AXDND1: variants seen among roughly 807,000 people sequenced by gnomAD.
AXDND1 encodes the protein axonemal dynein light chain domain-containing protein 1.
In AXDND1, 110 loss-of-function variants were observed where a neutral mutation model predicts 137.5. The ratio of observed to expected loss-of-function variants is 0.80; its 90% CI spans 0.69 to 0.94. The LOEUF (loss-of-function observed/expected upper bound fraction) is 0.94. AXDND1 is among the 40% of genes least tolerant of loss of function. The pLI, the probability that AXDND1 is intolerant of heterozygous loss-of-function variation, is 0.00. For missense variants in AXDND1, 1,191 were observed against 1,169.8 expected (o/e 1.02, Z -0.26); for synonymous variants, 414 against 399.7 (o/e 1.04, Z -0.43).
chr1:179,447,545 A>T lies in AXDND1; in HGVS notation c.1798+2341A>T. 4 of 716,434 alleles carry T rather than the reference A, an allele frequency of 5.6e-6. No homozygotes were observed. In the South Asian group the frequency reaches 9.8e-5, roughly 18 times the overall value. 44.4% of individuals were successfully genotyped at this position (716,434 alleles called of 1,614,324 possible). On this transcript the variant is annotated intron_variant, in intron 16 of 25. Coordinates refer to ENST00000367618, the MANE Select transcript of AXDND1 (RefSeq NM_144696.6). The stretch of plus-strand genomic sequence containing the variant: ...AAAATTCCAAAGGAAGCTACAGGCT[A>T]TGTATAAAATACATGTTTTAAAGAA...
At chr1:179,527,307 G>A (rs1228051761) in intron 22 of AXDND1, among the ~76,000 whole-genome samples, 2 of 152,170 alleles carry the variant, frequency 1.3e-5, no homozygotes, top group African/African-American at 4.8e-5. Context: ...TGTGGTTTTG[G>A]TGGGTTTTGA....
At chr1:179,533,540 T>G (rs551794913) in intron 23 of AXDND1, among the ~76,000 whole-genome samples, 12 of 152,268 alleles carry the variant, frequency 7.9e-5, no homozygotes, top group South Asian at 2.1e-4. Context: ...TTCCCCTGCT[T>G]CTTCTTTACA....
At chr1:179,463,918 T>G (rs574510807) in intron 16 of AXDND1, among the ~76,000 whole-genome samples, 1 of 152,318 alleles carries the variant, frequency 6.6e-6, no homozygotes, top group East Asian at 1.9e-4. Flanking sequence ...TAAAGTCTGT[T>G]TTATCAGAGA....
chr1:179,374,233 A>C (rs927326811), intron 4 of AXDND1, among the ~76,000 whole-genome samples: 9 of 152,356 alleles, frequency 5.9e-5, no homozygotes, highest in African/African-American at 1.9e-4. Context: ...AATGCTCATC[A>C]TCGTTGGCCA....
At chr1:179,469,563 A>G (rs1357146774) in intron 17 of AXDND1, among the ~76,000 whole-genome samples, 1 of 152,100 alleles carries the variant, frequency 6.6e-6, no homozygotes, top group East Asian at 1.9e-4. Context: ...TCATATGGCA[A>G]TTCTATTTTT....
chr1:179,547,022 CAT>C (rs936951986), intron 25 of AXDND1, among the ~76,000 whole-genome samples: 3 of 152,198 alleles, frequency 2.0e-5, no homozygotes, highest in African/African-American at 7.2e-5. Flanking sequence ...ACTTGGGAAA[CAT>C]ATCTTGCATT....
chr1:179,541,829 C>T (rs1030618012), intron 25 of AXDND1, among the ~76,000 whole-genome samples: 3 of 151,930 alleles, frequency 2.0e-5, no homozygotes, highest in Non-Finnish European at 4.4e-5. Flanking sequence ...ATAGAAACAA[C>T]CTACGTGTTC....
intron 12 of AXDND1, among the ~76,000 whole-genome samples, chr1:179,421,671 C>A (rs1029493048): frequency 2.6e-5 from 4 of 151,708 alleles, no homozygotes; most frequent in African/African-American, 9.7e-5. Flanking sequence ...TGTGAGCCAC[C>A]ATGCCTGGAC....
chr1:179,415,969 T>TC (rs1654638154), intron 12 of AXDND1, among the ~76,000 whole-genome samples: 2 of 152,222 alleles, frequency 1.3e-5, no homozygotes, highest in African/African-American at 4.8e-5. Flanking sequence ...TTCTAGCTAT[T>TC]TTAGAATGTG....
intron 25 of AXDND1, chr1:179,544,980 T>C (rs11585517): frequency 0.3 from 45,968 of 152,146 alleles, 7,677 homozygotes; most frequent in Middle Eastern, 0.42. Context: ...GTTTCCTTCA[T>C]AGGGGCCTGT....
Position 179,445,694 on chromosome 1 carries a change from A to G in AXDND1, c.1798+490A>G, listed in dbSNP as rs189425717. ...TTTAGCAATTATCAGTACTTCACCCATTTTTATGGCCTAATAATAGTGTAT... is the reference window on the plus strand; with the variant it reads ...TTTAGCAATTATCAGTACTTCACCCGTTTTTATGGCCTAATAATAGTGTAT... On this transcript the variant is annotated intron_variant, in intron 16 of 25. Coordinates refer to ENST00000367618, the MANE Select transcript of AXDND1 (RefSeq NM_144696.6). 5.3e-3 allele frequency among the ~76,000 whole-genome samples: 802 copies of G among 152,206 alleles called. 9 individuals carry two copies. Among genetic ancestry groups the G allele is most frequent in the African/African-American group, 0.019 (778 of 41,542 alleles).
rs1312775432 is a variant in AXDND1 at position 179,385,239 on chromosome 1, T to C, written c.743T>C (p.Met248Thr). The C allele has an allele frequency of 2.5e-6, 4 of 1,608,840 alleles. No individual in the cohort carries two copies. Among genetic ancestry groups the C allele is most frequent in the Non-Finnish European group, 3.4e-6 (4 of 1,175,358 alleles). The change falls in exon 9 of 26, where the codon ATG (methionine) becomes ACG (threonine). Residue 248 changes from methionine to threonine, a missense_variant and splice_region_variant. Coordinates refer to ENST00000367618, the MANE Select transcript of AXDND1 (RefSeq NM_144696.6). ...ATTATGTTACTTACCTTCTGACAGA[T>C]GCACAAACTACTACATATATTGAAG... ...ENQEYTGPTK[M>T]HKLLHILKKE... is the part of the protein sequence containing the mutation.
intron 25 of AXDND1, among the ~76,000 whole-genome samples, chr1:179,546,749 C>T (rs985693673): frequency 6.6e-6 from 1 of 152,086 alleles, no homozygotes; most frequent in Non-Finnish European, 1.5e-5. Context: ...GAGTGCATAC[C>T]ATAGTGTACT....
intron 25 of AXDND1, among the ~76,000 whole-genome samples, chr1:179,538,072 A>G (rs977719113): frequency 6.6e-6 from 1 of 151,074 alleles, no homozygotes; most frequent in Non-Finnish European, 1.5e-5. Context: ...ATCTATTTGA[A>G]TCTTCTCTCT....
intron 4 of AXDND1, among the ~76,000 whole-genome samples, chr1:179,374,645 G>A (rs1474957035): frequency 3.3e-5 from 5 of 152,176 alleles, no homozygotes; most frequent in East Asian, 3.9e-4. Context: ...CTTTGTAGCC[G>A]TAAAAAAGGA....
chr1:179,541,919 T>G (rs1672206485), intron 25 of AXDND1, among the ~76,000 whole-genome samples: 1 of 151,922 alleles, frequency 6.6e-6, no homozygotes, highest in South Asian at 2.1e-4. Context: ...TTTAAAGGAG[T>G]TTTTAGTGAC....
At chr1:179,469,951 A>G (rs545777566) in intron 17 of AXDND1, among the ~76,000 whole-genome samples, 1 of 152,180 alleles carries the variant, frequency 6.6e-6, no homozygotes, top group African/African-American at 2.4e-5. Flanking sequence ...GTTTTGTAGC[A>G]TTTGCTCTCT....
chr1:179,535,104 T>A, intron 25 of AXDND1, 142 bp downstream of exon 25: 1 of 1,260,930 alleles, frequency 7.9e-7, no homozygotes, highest in Non-Finnish European at 1.1e-6. Flanking sequence ...GTGCATATTT[T>A]AATCACATAA....
At chr1:179,468,352 A>G in intron 16 of AXDND1, 91 bp from the exon 17 acceptor site, 1 of 869,810 alleles carries the variant, frequency 1.1e-6, no homozygotes, top group African/African-American at 1.7e-5. Flanking sequence ...TTAAAAGATA[A>G]TGCCCTTGCT....
Sources: gnomAD v4.1 joint callset for allele counts (sites outside exome capture counted in the v4.1 genomes callset) on GRCh38, gnomAD v4.1.1 for gene constraint, MANE v1.5 for transcripts, NCBI Gene and HGNC (gene_info 2026-07-23, HGNC 2026-07-21) for gene names.